TCF4: variants seen among roughly 807,000 people sequenced by gnomAD.
TCF4 encodes the protein SL3-3 enhancer factor 2.
Under a neutral mutation model 82.1 loss-of-function variants are expected in TCF4, and 3 were observed. The ratio of observed to expected loss-of-function variants is 0.04; its 90% CI spans 0.02 to 0.09. The LOEUF (loss-of-function observed/expected upper bound fraction) is 0.09, where lower values mean the gene tolerates loss of function less well. Ranked by LOEUF, TCF4 falls within the 10% of genes least tolerant of loss-of-function variation. The pLI is 1.00. For synonymous variants in TCF4, 276 were observed against 309.6 expected (o/e 0.89, Z 1.14); for missense variants, 518 against 852.7 (o/e 0.61, Z 4.89).
chr18:55,322,255 C>A (rs889361616), intron 8 of TCF4: 1 of 1,032,368 alleles, frequency 9.7e-7, no homozygotes, highest in Non-Finnish European at 1.2e-6. Flanking sequence ...CTCTCTCTCC[C>A]TCTCTTTCTT....
chr18:55,505,696 T>TG (rs1209348284), intron 3 of TCF4, among the ~76,000 whole-genome samples: 209 of 146,934 alleles, frequency 1.4e-3, no homozygotes, highest in African/African-American at 5.1e-3. Context: ...CCCAGCTACT[T>TG]GGGGGGCTGA....
At chr18:55,326,669 G>C (rs1464173514) in intron 8 of TCF4, among the ~76,000 whole-genome samples, 2 of 151,984 alleles carry the variant, frequency 1.3e-5, no homozygotes, top group African/African-American at 4.8e-5. Context: ...AGTAAATGTT[G>C]CCAAGCCAAG....
At chr18:55,366,961 A>G (rs527695282) in intron 6 of TCF4, among the ~76,000 whole-genome samples, 1 of 152,318 alleles carries the variant, frequency 6.6e-6, no homozygotes, top group South Asian at 2.1e-4. Context: ...TGATTTGAAA[A>G]TCACTTACCT....
At chr18:55,359,739 A>T (rs997206174) in intron 6 of TCF4, among the ~76,000 whole-genome samples, 1 of 152,242 alleles carries the variant, frequency 6.6e-6, no homozygotes, top group African/African-American at 2.4e-5. Flanking sequence ...AAAACATAAA[A>T]TTTGATCCTT....
At chr18:55,432,868 A>G (rs916247632) in intron 5 of TCF4, among the ~76,000 whole-genome samples, 20 of 152,346 alleles carry the variant, frequency 1.3e-4, no homozygotes, top group African/African-American at 4.6e-4. Flanking sequence ...TTCTATTAAT[A>G]AAGCAACAGG....
At chr18:55,251,517 T>C (rs991638651) in intron 15 of TCF4, among the ~76,000 whole-genome samples, 1 of 152,288 alleles carries the variant, frequency 6.6e-6, no homozygotes, top group East Asian at 1.9e-4. Flanking sequence ...GAAATGCTTA[T>C]ATCACCTTCC....
intron 3 of TCF4, among the ~76,000 whole-genome samples, chr18:55,467,499 C>T (rs2096057184): frequency 6.6e-6 from 1 of 152,126 alleles, no homozygotes; most frequent in African/African-American, 2.4e-5. Context: ...TTTATGCACA[C>T]AGGAGTTTGA....
intron 4 of TCF4, among the ~76,000 whole-genome samples, chr18:55,462,628 A>G (rs1026384454): frequency 2.0e-5 from 3 of 152,222 alleles, no homozygotes; most frequent in Non-Finnish European, 4.4e-5. Flanking sequence ...TTCTAAACAG[A>G]CCTTGTTTTC....
intron 8 of TCF4, among the ~76,000 whole-genome samples, chr18:55,305,141 C>A (rs1377029905): frequency 1.3e-5 from 2 of 152,148 alleles, no homozygotes; most frequent in African/African-American, 4.8e-5. Flanking sequence ...AATAAATTAT[C>A]TTTAATTAAA....
intron 6 of TCF4, among the ~76,000 whole-genome samples, chr18:55,368,109 G>T (rs1487812036): frequency 6.6e-6 from 1 of 152,194 alleles, no homozygotes; most frequent in Non-Finnish European, 1.5e-5. Flanking sequence ...TTTTCAGCCG[G>T]GCGCGGTGGC....
At chr18:55,365,241 A>G (rs932673550) in intron 6 of TCF4, among the ~76,000 whole-genome samples, 37 of 125,562 alleles carry the variant, frequency 2.9e-4, no homozygotes, top group Middle Eastern at 4.0e-3. Flanking sequence ...GTGTATATAT[A>G]TGTGTGTGTA....
At chr18:55,554,949 T>C (rs1311105608) in intron 3 of TCF4, among the ~76,000 whole-genome samples, 1 of 152,220 alleles carries the variant, frequency 6.6e-6, no homozygotes, top group Non-Finnish European at 1.5e-5. Context: ...ACAGCAGGCT[T>C]TTTCCTTCCC....
intron 3 of TCF4, among the ~76,000 whole-genome samples, chr18:55,470,119 G>A (rs923227718): frequency 2.6e-5 from 4 of 152,134 alleles, no homozygotes; most frequent in African/African-American, 9.7e-5. Context: ...AAGATAAGGG[G>A]ATGATAGTAT....
chr18:55,585,274 A>G lies in TCF4; in HGVS notation c.145+6T>C, dbSNP rs2097628925. ...TAACTTAACACTAAGAAAAGAATTT[A>G]CATACTTGAGCCAGTAAAATGTCCA... On this transcript the variant is annotated splice_donor_region_variant and intron_variant, in intron 3 of 19. Transcript: ENST00000354452. 1.2e-6 allele frequency: 2 copies of G among 1,613,076 alleles called. No individual in the cohort carries two copies. The highest frequency in any genetic ancestry group is 1.7e-6 in the Non-Finnish European group (2 of 1,179,076).
At chr18:55,621,626 A>ATT (rs2097719526) in intron 2 of TCF4, among the ~76,000 whole-genome samples, 3 of 56,958 alleles carry the variant, frequency 5.3e-5, no homozygotes, top group Non-Finnish European at 8.7e-5. Context: ...TATTATATAT[A>ATT]ATATATATAT....
At chr18:55,262,291 A>G (rs1020933450) in intron 11 of TCF4, among the ~76,000 whole-genome samples, 4 of 152,206 alleles carry the variant, frequency 2.6e-5, no homozygotes, top group Non-Finnish European at 2.9e-5. Flanking sequence ...ACAGTATACA[A>G]TTCAAAGCCA....
chr18:55,317,019 A>AT, intron 8 of TCF4, among the ~76,000 whole-genome samples: 1 of 152,140 alleles, frequency 6.6e-6, no homozygotes, highest in East Asian at 1.9e-4. Flanking sequence ...GATTTTGAAA[A>AT]TTTAATCAGA....
At chr18:55,255,655 C>G (rs2056616765) in intron 14 of TCF4, among the ~76,000 whole-genome samples, 2 of 152,102 alleles carry the variant, frequency 1.3e-5, no homozygotes, top group African/African-American at 4.8e-5. Flanking sequence ...ATCCTTGTTT[C>G]ACGTGTGTAT....
chr18:55,500,642 C>T (rs2096687617), intron 3 of TCF4, among the ~76,000 whole-genome samples: 2 of 152,322 alleles, frequency 1.3e-5, no homozygotes, highest in East Asian at 1.9e-4. Flanking sequence ...TAAGCGCTAT[C>T]AGCCTCTCAC....
Sources: allele counts gnomAD v4.1 joint callset (sites outside exome capture counted in the v4.1 genomes callset), GRCh38; gene constraint gnomAD v4.1.1; transcripts MANE v1.5; gene names NCBI Gene and HGNC (gene_info 2026-07-23, HGNC 2026-07-21).